Variants in KLHL13 observed in about 807,000 individuals in gnomAD.
The protein encoded by KLHL13 is kelch-like protein 13.
Under a neutral mutation model 37.1 loss-of-function variants are expected in KLHL13, and 10 were observed. That is an observed-to-expected ratio of 0.27 (90% CI 0.17 to 0.46). KLHL13 has a LOEUF of 0.46. Among genes scored for constraint, KLHL13 ranks in the 20% least tolerant of loss-of-function variants. The probability of loss-of-function intolerance (pLI) is 1.00; values close to 1 mark genes in which losing one functional copy is unlikely to be tolerated. For missense variants in KLHL13, 360 were observed against 509.3 expected, an observed-to-expected ratio of 0.71 and a Z score of 2.82; for synonymous variants, 163 against 181.2, an observed-to-expected ratio of 0.90 and a Z score of 0.81.
intron 1 of KLHL13, among the ~76,000 whole-genome samples, chrX:118,085,362 T>C (rs187402770): frequency 0.011 from 1,211 of 110,938 alleles, 16 homozygotes; most frequent in African/African-American, 0.037. Context: ...AGAATCATAA[T>C]TGCCAGGAAC....
intron 1 of KLHL13, among the ~76,000 whole-genome samples, chrX:118,027,738 T>C (rs756285950): frequency 9.0e-6 from 1 of 110,560 alleles, no homozygotes; most frequent in African/African-American, 3.3e-5. Context: ...GTAGGTACTA[T>C]TATTAACACC....
intron 1 of KLHL13, among the ~76,000 whole-genome samples, chrX:118,061,929 T>C (rs904195254): frequency 2.7e-5 from 3 of 111,675 alleles, no homozygotes; most frequent in African/African-American, 6.5e-5. Context: ...TAAAAACCCA[T>C]ATTGAAAGTA....
At chrX:118,017,010 C>T (rs1225315128) in intron 1 of KLHL13, among the ~76,000 whole-genome samples, 1 of 111,073 alleles carries the variant, frequency 9.0e-6, no homozygotes, top group Non-Finnish European at 1.9e-5. Context: ...CTTTCTTTGA[C>T]TGCTACAATA....
intron 2 of KLHL13, among the ~76,000 whole-genome samples, chrX:117,921,418 A>G (rs1931691938): frequency 8.9e-6 from 1 of 111,919 alleles, no homozygotes; most frequent in Non-Finnish European, 1.9e-5. Context: ...AAAAGATTGT[A>G]ACAGGCTACT....
chrX:118,060,398 G>A (rs959852207), intron 1 of KLHL13, among the ~76,000 whole-genome samples: 5 of 111,080 alleles, frequency 4.5e-5, no homozygotes, highest in Non-Finnish European at 7.6e-5. Context: ...CCTCATCCAC[G>A]AATCAGGCAG....
At chrX:118,115,996 T>C (rs1436817959) in intron 1 of KLHL13, among the ~76,000 whole-genome samples, 1 of 112,203 alleles carries the variant, frequency 8.9e-6, no homozygotes, top group African/African-American at 3.2e-5. Context: ...GCTGAAGACA[T>C]TCAGAGCTAA....
chrX:117,899,436 G>T, intron 6 of KLHL13, 41 bp from the exon 8 acceptor site: 1 of 1,103,498 alleles, frequency 9.1e-7, no homozygotes, highest in South Asian at 2.1e-5. Context: ...AATAATTATA[G>T]AAATGCAAAA....
At chrX:118,005,369 G>T (rs899578623) in intron 1 of KLHL13, among the ~76,000 whole-genome samples, 1 of 111,721 alleles carries the variant, frequency 9.0e-6, no homozygotes, top group African/African-American at 3.3e-5. Context: ...CCCTCCAAAA[G>T]AAAACTCACA....
Position 118,094,585 on chromosome X carries a change from T to C in KLHL13, c.-56+21923A>G, listed in dbSNP as rs1384155547. On this transcript the variant is annotated intron_variant, in intron 1 of 6. Coordinates refer to the KLHL13 transcript ENST00000371882. ...AGAAGAGCAACTCCAAGACACATAATTGTCAGATTCACCAAAGTTGAAATG... is the reference window on the plus strand; with the variant it reads ...AGAAGAGCAACTCCAAGACACATAACTGTCAGATTCACCAAAGTTGAAATG... 5.5e-5 allele frequency among the ~76,000 whole-genome samples: 6 copies of C among 108,727 alleles called. No individual in the cohort carries two copies. The South Asian group carries it at 2.6e-3, about 47-fold the overall frequency. The allele number at this position is 108,727 out of a possible 115,157, so 94.4% of individuals were successfully genotyped here. A position where few individuals can be genotyped will look rare whatever the true frequency, so the allele number is the denominator to read the frequency against.
intron 1 of KLHL13, among the ~76,000 whole-genome samples, chrX:117,970,387 T>G (rs948977268): frequency 8.9e-6 from 1 of 111,850 alleles, no homozygotes; most frequent in Non-Finnish European, 1.9e-5. Flanking sequence ...GTAAATTTCC[T>G]ATATATCACG....
chrX:117,932,256 C>T (rs184670294), intron 2 of KLHL13, among the ~76,000 whole-genome samples: 7 of 110,393 alleles, frequency 6.3e-5, no homozygotes, highest in Non-Finnish European at 9.5e-5. Flanking sequence ...CTATAGTCAC[C>T]CTACTGTGTA....
At chrX:118,089,149 AGTG>A (rs975069095) in intron 1 of KLHL13, among the ~76,000 whole-genome samples, 6 of 111,565 alleles carry the variant, frequency 5.4e-5, no homozygotes, top group African/African-American at 2.0e-4. Flanking sequence ...CCAAAGGCTT[AGTG>A]GGAATCCTAG....
intron 1 of KLHL13, among the ~76,000 whole-genome samples, chrX:118,021,773 A>G (rs151160317): frequency 0.05 from 5,604 of 111,265 alleles, 387 homozygotes; most frequent in African/African-American, 0.17. Flanking sequence ...TGGCTGGGTC[A>G]AATGGCATTT....
intron 2 of KLHL13, among the ~76,000 whole-genome samples, chrX:117,944,758 A>T (rs921895868): frequency 1.8e-4 from 20 of 111,894 alleles, no homozygotes; most frequent in African/African-American, 6.5e-4. Flanking sequence ...AAGTCAGAAA[A>T]TGTCCACAAA....
intron 1 of KLHL13, among the ~76,000 whole-genome samples, chrX:118,039,209 T>C (rs1020497281): frequency 1.8e-5 from 2 of 112,177 alleles, no homozygotes; most frequent in Non-Finnish European, 3.8e-5. Flanking sequence ...TGGCTTCACA[T>C]GTGACCCAGA....
At chrX:117,972,685 T>A (rs755928984) in intron 1 of KLHL13, 1 of 1,117,978 alleles carries the variant, frequency 8.9e-7, no homozygotes, top group East Asian at 3.0e-5. Context: ...ACAAGGTAGA[T>A]TCATGAATGA....
intron 1 of KLHL13, among the ~76,000 whole-genome samples, chrX:118,057,570 C>A (rs996445235): frequency 8.9e-6 from 1 of 111,964 alleles, no homozygotes; most frequent in African/African-American, 3.2e-5. Context: ...CTTGTACTCC[C>A]AGCACTTTGG....
At chrX:117,991,137 T>TA (rs750755409) in intron 1 of KLHL13, among the ~76,000 whole-genome samples, 989 of 83,830 alleles carry the variant, frequency 0.012, 45 homozygotes, top group Admixed American at 0.075. Context: ...CATTAAAAAG[T>TA]AAAAAAAAAA....
At chrX:117,922,970 C>T (rs1210240193) in intron 2 of KLHL13, among the ~76,000 whole-genome samples, 1 of 111,866 alleles carries the variant, frequency 8.9e-6, no homozygotes. Context: ...ACTATACATA[C>T]TGTTGTGCAT....
Sources: gnomAD v4.1 joint callset for allele counts (sites outside exome capture counted in the v4.1 genomes callset) on GRCh38, gnomAD v4.1.1 for gene constraint, MANE v1.5 for transcripts, NCBI Gene and HGNC (gene_info 2026-07-23, HGNC 2026-07-21) for gene names.